PLOD2: variants seen among roughly 807,000 people sequenced by gnomAD.
The protein encoded by PLOD2 is procollagen-lysine,2-oxoglutarate 5-dioxygenase 2.
In PLOD2, 65 loss-of-function variants were observed where a neutral mutation model predicts 101.0. The observed-to-expected ratio is 0.64, with a 90% CI of 0.53 to 0.79. The LOEUF is 0.79. PLOD2 is among the 30% of genes least tolerant of loss of function. The pLI is 0.00. For missense variants in PLOD2, 909 were observed against 914.6 expected (o/e 0.99, Z 0.08); for synonymous variants, 314 against 302.9 (o/e 1.04, Z -0.38).
At chr3:146,121,302 C>T in intron 2 of PLOD2, 54 bp from the exon 3 acceptor site, 1 of 1,473,254 alleles carries the variant, frequency 6.8e-7, no homozygotes, top group African/African-American at 1.4e-5. Flanking sequence ...TATGAAAGTA[C>T]TATGAAAAAC....
At chr3:146,121,301 A>G in intron 2 of PLOD2, 53 bp from the exon 3 acceptor site, 2 of 1,473,114 alleles carry the variant, frequency 1.4e-6, no homozygotes, top group South Asian at 2.3e-5. Context: ...TTATGAAAGT[A>G]CTATGAAAAA....
At chr3:146,116,413 C>T (rs1298737880) in intron 3 of PLOD2, among the ~76,000 whole-genome samples, 1 of 152,022 alleles carries the variant, frequency 6.6e-6, no homozygotes, top group Non-Finnish European at 1.5e-5. Flanking sequence ...AAAACAAATA[C>T]AATTTTAACA....
At chr3:146,083,759 T>G (rs1936658350) in intron 11 of PLOD2, among the ~76,000 whole-genome samples, 1 of 151,848 alleles carries the variant, frequency 6.6e-6, no homozygotes, top group South Asian at 2.1e-4. Context: ...TTTTTTGTAT[T>G]TTTAGTAGAG....
intron 12 of PLOD2, among the ~76,000 whole-genome samples, chr3:146,079,513 T>C (rs1936458724): frequency 6.6e-6 from 1 of 152,008 alleles, no homozygotes; most frequent in African/African-American, 2.4e-5. Context: ...ATTTGTATTA[T>C]AGCTATCATA....
chr3:146,113,462 G>A (rs967019784), intron 3 of PLOD2, among the ~76,000 whole-genome samples: 18 of 152,256 alleles, frequency 1.2e-4, no homozygotes, highest in South Asian at 2.1e-4. Flanking sequence ...TGGAGGGACC[G>A]GCTGAAGCCA....
chr3:146,105,777 A>G (rs1937526020), intron 5 of PLOD2, among the ~76,000 whole-genome samples: 1 of 152,198 alleles, frequency 6.6e-6, no homozygotes, highest in Non-Finnish European at 1.5e-5. Context: ...CTCTACTGAT[A>G]AAGTGTGGAT....
intron 7 of PLOD2, among the ~76,000 whole-genome samples, chr3:146,099,166 G>A (rs1473838434): frequency 6.6e-6 from 1 of 152,172 alleles, no homozygotes; most frequent in Non-Finnish European, 1.5e-5. Flanking sequence ...AACAGTGATA[G>A]TGCAAACTGA....
intron 1 of PLOD2, among the ~76,000 whole-genome samples, chr3:146,149,377 A>T (rs2031949935): frequency 6.6e-6 from 1 of 152,200 alleles, no homozygotes. Context: ...ATTATCAATT[A>T]TAGTTATTTT....
chr3:146,092,119 C>T (rs1936995923), intron 7 of PLOD2, among the ~76,000 whole-genome samples: 2 of 149,954 alleles, frequency 1.3e-5, no homozygotes, highest in Non-Finnish European at 3.0e-5. Flanking sequence ...AAAAAAAAGT[C>T]TTATAAATCA....
chr3:146,102,236 T>A (rs567754596), intron 7 of PLOD2, among the ~76,000 whole-genome samples: 1 of 152,326 alleles, frequency 6.6e-6, no homozygotes, highest in South Asian at 2.1e-4. Context: ...GTCAATAACA[T>A]TTTTAGCAAG....
chr3:146,123,893 T>C (rs1019842746), intron 2 of PLOD2, among the ~76,000 whole-genome samples: 3 of 152,092 alleles, frequency 2.0e-5, no homozygotes, highest in South Asian at 2.1e-4. Flanking sequence ...ATGTGATATT[T>C]TGATACAGGC....
chr3:146,110,551 G>T, intron 3 of PLOD2, 103 bp from the exon 4 acceptor site: 1 of 871,578 alleles, frequency 1.1e-6, no homozygotes, highest in Non-Finnish European at 1.8e-6. Flanking sequence ...AGAATACAAT[G>T]CAAGATTAAT....
At chr3:146,116,696 G>C (rs946839210) in intron 3 of PLOD2, among the ~76,000 whole-genome samples, 1 of 152,080 alleles carries the variant, frequency 6.6e-6, no homozygotes, top group African/African-American at 2.4e-5. Context: ...ACAATAAAAT[G>C]GTTACAACTG....
chr3:146,136,355 G>A (rs2031228041), intron 1 of PLOD2, among the ~76,000 whole-genome samples: 1 of 152,106 alleles, frequency 6.6e-6, no homozygotes, highest in Non-Finnish European at 1.5e-5. Context: ...AACTTTTTGA[G>A]TGCTGAAAGA....
intron 4 of PLOD2, among the ~76,000 whole-genome samples, chr3:146,108,337 T>C (rs552052011): frequency 1.3e-5 from 2 of 152,102 alleles, no homozygotes; most frequent in East Asian, 3.9e-4. Flanking sequence ...TGTGCCACCA[T>C]GCCCAGATAA....
chr3:146,121,319 A>G (rs921444606), intron 2 of PLOD2, 71 bp from the exon 3 acceptor site: 2 of 1,277,798 alleles, frequency 1.6e-6, no homozygotes, highest in Admixed American at 1.7e-5. Context: ...AAACTTAAAG[A>G]CATCATCAAC....
At chr3:146,153,881 T>C (rs528948272) in intron 1 of PLOD2, among the ~76,000 whole-genome samples, 28 of 150,850 alleles carry the variant, frequency 1.9e-4, no homozygotes, top group Non-Finnish European at 3.4e-4. Flanking sequence ...AGGAAAGTCC[T>C]ATCTCTCACC....
intron 1 of PLOD2, among the ~76,000 whole-genome samples, chr3:146,150,055 C>A (rs1223816759): frequency 6.6e-6 from 1 of 152,042 alleles, no homozygotes; most frequent in African/African-American, 2.4e-5. Flanking sequence ...GTGACAATGA[C>A]CTAGCAAGAT....
intron 13 of PLOD2, 96 bp downstream of exon 13, chr3:146,079,020 A>C (rs1227660570): frequency 5.4e-6 from 7 of 1,291,302 alleles, no homozygotes; most frequent in Non-Finnish European, 7.9e-6. Context: ...CTTACAAATT[A>C]GCAAGACAAA....
Sources: gnomAD v4.1 joint callset for allele counts (sites outside exome capture counted in the v4.1 genomes callset) on GRCh38, gnomAD v4.1.1 for gene constraint, MANE v1.5 for transcripts, NCBI Gene and HGNC (gene_info 2026-07-23, HGNC 2026-07-21) for gene names.